PDSS2: variants seen among roughly 807,000 people sequenced by gnomAD.
PDSS2 encodes the protein decaprenyl diphosphate synthase subunit 2.
In PDSS2, 31 loss-of-function variants were observed where a neutral mutation model predicts 44.5. The observed-to-expected ratio is 0.70, with a 90% CI of 0.52 to 0.94. PDSS2 has a LOEUF of 0.94. Ranked by LOEUF, PDSS2 falls within the 40% of genes least tolerant of loss-of-function variation. The probability of loss-of-function intolerance (pLI) is 0.00; values close to 1 mark genes in which losing one functional copy is unlikely to be tolerated. For missense variants in PDSS2, 452 were observed against 482.2 expected (o/e 0.94, Z 0.59); for synonymous variants, 157 against 180.3 (o/e 0.87, Z 1.03).
intron 1 of PDSS2, among the ~76,000 whole-genome samples, chr6:107,402,256 G>A (rs1343326004): frequency 1.3e-5 from 2 of 150,054 alleles, no homozygotes; most frequent in Non-Finnish European, 3.0e-5. Flanking sequence ...CTCCAGCCTG[G>A]TGACAGAGCA....
In PDSS2 at chr6:107,212,316, C is replaced by T. The variant is rs370696208; in HGVS notation, c.703-34G>A. The T allele has an allele frequency of 4.2e-5, 64 of 1,507,908 alleles. No individual in the cohort carries two copies. The African/African-American group carries it at 8.5e-4, about 20-fold the overall frequency. The allele number at this position is 1,507,908 out of a possible 1,614,324, so 93.4% of individuals were successfully genotyped here. A position where few individuals can be genotyped will look rare whatever the true frequency, so the allele number is the denominator to read the frequency against. On this transcript the variant is annotated intron_variant, in intron 4 of 7. Coordinates refer to ENST00000369037, the MANE Select transcript of PDSS2 (RefSeq NM_020381.4). Reference sequence around the variant, plus strand: ...GTAACAAAAGCCAAGATAAAAAAGACTTTAGGAGTAATTTAATTGTTTCTG... The same window carrying T: ...GTAACAAAAGCCAAGATAAAAAAGATTTTAGGAGTAATTTAATTGTTTCTG...
chr6:107,210,622 T>C, intron 5 of PDSS2, 52 bp from the exon 6 acceptor site: 4 of 1,219,188 alleles, frequency 3.3e-6, no homozygotes, highest in Non-Finnish European at 4.8e-6. Flanking sequence ...TACACTAGTA[T>C]GTTTTAGTTA....
intron 1 of PDSS2, among the ~76,000 whole-genome samples, chr6:107,401,540 G>A (rs1166919706): frequency 6.6e-6 from 1 of 152,174 alleles, no homozygotes; most frequent in East Asian, 1.9e-4. Context: ...CCTCAAAGGA[G>A]CACAGTACAT....
intron 1 of PDSS2, among the ~76,000 whole-genome samples, chr6:107,424,059 TG>T (rs200711944): frequency 7.0e-6 from 1 of 143,372 alleles, no homozygotes; most frequent in African/African-American, 2.6e-5. Context: ...TTTTTTTTTT[TG>T]GGACAGGGTC....
intron 4 of PDSS2, among the ~76,000 whole-genome samples, chr6:107,226,170 G>A (rs974600477): frequency 1.3e-5 from 2 of 152,078 alleles, no homozygotes; most frequent in African/African-American, 4.8e-5. Context: ...TTAGCTGGGC[G>A]TGGTAGCAGG....
In PDSS2 at chr6:107,358,364, AT is replaced by A. The variant is rs1270917310; in HGVS notation, c.297-24033del. Among the ~76,000 whole-genome samples, 3 of 152,200 alleles carry A rather than the reference AT, an allele frequency of 2.0e-5. No individual in the cohort carries two copies. In the East Asian group the frequency reaches 5.8e-4, roughly 29 times the overall value. ...AACCTGTAGTACGTATCTTCCAAGT[AT>A]GTTCTGAAAATTAAACAGGGTAACC... On this transcript the variant is annotated intron_variant, in intron 1 of 7. Transcript: ENST00000369037.
intron 1 of PDSS2, among the ~76,000 whole-genome samples, chr6:107,356,138 G>A (rs917264170): frequency 1.3e-5 from 2 of 152,162 alleles, no homozygotes; most frequent in Admixed American, 1.3e-4. Flanking sequence ...CTTTCCCCAT[G>A]AACTATTCCA....
chr6:107,171,198 G>A (rs1771562403), intron 7 of PDSS2, among the ~76,000 whole-genome samples: 3 of 152,052 alleles, frequency 2.0e-5, no homozygotes, highest in African/African-American at 7.2e-5. Context: ...GTCTCACTCT[G>A]TCACCTAGGC....
chr6:107,214,469 T>C (rs1396249473), intron 4 of PDSS2, among the ~76,000 whole-genome samples: 1 of 152,184 alleles, frequency 6.6e-6, no homozygotes, highest in Non-Finnish European at 1.5e-5. Flanking sequence ...ACAATTTAAG[T>C]GCTCAGCATT....
chr6:107,323,967 C>CT (rs1280696053), intron 2 of PDSS2, among the ~76,000 whole-genome samples: 1 of 152,160 alleles, frequency 6.6e-6, no homozygotes, highest in Non-Finnish European at 1.5e-5. Context: ...AGCCCACCTA[C>CT]TTTTTGTGGT....
At chr6:107,208,996 G>A (rs1235581296) in intron 6 of PDSS2, among the ~76,000 whole-genome samples, 7 of 151,358 alleles carry the variant, frequency 4.6e-5, no homozygotes, top group Admixed American at 4.6e-4. Flanking sequence ...CCATTCTTCT[G>A]ATTAAAAAAT....
intron 7 of PDSS2, among the ~76,000 whole-genome samples, chr6:107,186,638 T>A (rs560978846): frequency 1.3e-5 from 2 of 151,974 alleles, no homozygotes; most frequent in African/African-American, 4.8e-5. Flanking sequence ...GGCCCTGGTG[T>A]GTGTTGTTCC....
intron 1 of PDSS2, among the ~76,000 whole-genome samples, chr6:107,388,575 G>A (rs1215247258): frequency 1.3e-5 from 2 of 151,860 alleles, no homozygotes; most frequent in African/African-American, 2.4e-5. Context: ...CAGCCTCCTG[G>A]GACTACAGGA....
At chr6:107,450,732 A>G (rs1781838384) in intron 1 of PDSS2, among the ~76,000 whole-genome samples, 1 of 152,222 alleles carries the variant, frequency 6.6e-6, no homozygotes, top group Non-Finnish European at 1.5e-5. Context: ...ACATTTGTGT[A>G]TAGGTTTTGG....
chr6:107,380,762 C>A lies in PDSS2; in HGVS notation c.297-46430G>T, dbSNP rs111788156. On this transcript the variant is annotated intron_variant, in intron 1 of 7. Transcript: ENST00000369037. The stretch of plus-strand genomic sequence containing the variant: ...TTCAGAGCAGCGGTTTCCCCTGAGA[C>A]CTCAATTATCTGATAAATCTATTAA... Among the ~76,000 whole-genome samples the A allele has an allele frequency of 4.4e-3, 670 of 152,220 alleles. 4 individuals are homozygous for A. Among genetic ancestry groups the A allele is most frequent in the African/African-American group, 0.012 (509 of 41,540 alleles).
At chr6:107,300,641 A>G (rs1562446453) in intron 2 of PDSS2, among the ~76,000 whole-genome samples, 1 of 152,216 alleles carries the variant, frequency 6.6e-6, no homozygotes. Flanking sequence ...AGGGACAATG[A>G]TCGGGATATA....
chr6:107,208,528 C>T (rs1773085427), intron 6 of PDSS2, among the ~76,000 whole-genome samples: 1 of 151,332 alleles, frequency 6.6e-6, no homozygotes, highest in African/African-American at 2.4e-5. Flanking sequence ...AGTTCCTGAC[C>T]TCAAGTGATC....
intron 1 of PDSS2, among the ~76,000 whole-genome samples, chr6:107,359,208 C>T (rs1385999434): frequency 6.6e-6 from 1 of 151,402 alleles, no homozygotes; most frequent in African/African-American, 2.4e-5. Context: ...GACAGGGCTT[C>T]ATCATGTTGG....
chr6:107,351,272 G>C (rs1778427583), intron 1 of PDSS2, among the ~76,000 whole-genome samples: 1 of 152,094 alleles, frequency 6.6e-6, no homozygotes, highest in South Asian at 2.1e-4. Flanking sequence ...ACTTCTCTTG[G>C]TATAAAGTTC....
Sources: gnomAD v4.1 joint callset for allele counts (sites outside exome capture counted in the v4.1 genomes callset) on GRCh38, gnomAD v4.1.1 for gene constraint, MANE v1.5 for transcripts, NCBI Gene and HGNC (gene_info 2026-07-23, HGNC 2026-07-21) for gene names.